The following UBE2D3 variants were observed in gnomAD, a reference collection of about 807,000 sequenced individuals.
UBE2D3 encodes ubiquitin-conjugating enzyme E2 D3.
Under a neutral mutation model 22.8 loss-of-function variants are expected in UBE2D3, and 2 were observed. That is an observed-to-expected ratio of 0.09 (90% CI 0.04 to 0.28). UBE2D3 has a LOEUF of 0.28. Ranked by LOEUF, UBE2D3 falls within the 10% of genes least tolerant of loss-of-function variation. UBE2D3 has a pLI of 1.00. For synonymous variants in UBE2D3, 56 were observed against 60.4 expected, an observed-to-expected ratio of 0.93 and a Z score of 0.34; for missense variants, 27 against 182.5, an observed-to-expected ratio of 0.15 and a Z score of 4.91.
chr4:102,845,560 CA>C (rs1472679668), intron 1 of UBE2D3, among the ~76,000 whole-genome samples: 1 of 152,132 alleles, frequency 6.6e-6, no homozygotes, highest in Non-Finnish European at 1.5e-5. Flanking sequence ...GAAGGAGTAC[CA>C]AGTCTGGGAG....
chr4:102,814,046 T>C (rs900691668), intron 2 of UBE2D3, among the ~76,000 whole-genome samples: 2 of 152,202 alleles, frequency 1.3e-5, no homozygotes, highest in Non-Finnish European at 2.9e-5. Flanking sequence ...ACCCTTTATA[T>C]GCTTGTCTGT....
At chr4:102,849,938 T>C (rs1411865781) in intron 1 of UBE2D3, among the ~76,000 whole-genome samples, 1 of 152,198 alleles carries the variant, frequency 6.6e-6, no homozygotes, top group Non-Finnish European at 1.5e-5. Flanking sequence ...ACTTTAATCC[T>C]AAGTATATAC....
chr4:102,827,243 A>G (rs1730703337), intron 1 of UBE2D3, 184 bp downstream of exon 1: 1 of 970,146 alleles, frequency 1.0e-6, no homozygotes, highest in South Asian at 4.7e-5. Context: ...AGGCGCGAGG[A>G]CGCGCCCATT....
rs555565505 is a variant in UBE2D3, at chr4:102,815,329, C to T, written c.25-5474G>A. ...TGCTGGGATTACAGGCGTGAGCCAC[C>T]GTGCCTGGCCAGAATAAATATTAAG... On this transcript the variant is annotated intron_variant, in intron 2 of 7. Transcript: ENST00000453744. Among the ~76,000 whole-genome samples the T allele has an allele frequency of 4.1e-4, 62 of 152,080 alleles. 2 individuals carry two copies. The highest frequency in any genetic ancestry group is 3.7e-3 in the Admixed American group (57 of 15,274).
chr4:102,798,649 T>A (rs1560839619), intron 7 of UBE2D3, among the ~76,000 whole-genome samples: 1 of 151,120 alleles, frequency 6.6e-6, no homozygotes, highest in Admixed American at 6.6e-5. Context: ...AGCTAAAATT[T>A]AAACACCATG....
At chr4:102,836,053 A>C (rs1276347955) in intron 1 of UBE2D3, among the ~76,000 whole-genome samples, 1 of 151,152 alleles carries the variant, frequency 6.6e-6, no homozygotes, top group Non-Finnish European at 1.5e-5. Context: ...TCAGTAGTTC[A>C]TTATCTTTTA....
chr4:102,800,373 AAGGT>A (rs1331424862), intron 6 of UBE2D3, among the ~76,000 whole-genome samples: 1 of 152,080 alleles, frequency 6.6e-6, no homozygotes, highest in Non-Finnish European at 1.5e-5. Context: ...TCACAGAAAA[AAGGT>A]AGCTTCAGTT....
rs143667724 is a variant in UBE2D3, at chr4:102,806,308, CCTTT to C, written c.120+3360_120+3363del. On this transcript the variant is annotated intron_variant, in intron 4 of 7. Transcript: ENST00000453744. ...TATTCTTCCTTATAATATAGCCCTT[CCTTT>C]GTCTTATCTGCTCCCTACCCTTCTT... Among the ~76,000 whole-genome samples the C allele has an allele frequency of 1.1e-3, 174 of 152,182 alleles. 5 individuals are homozygous for C. In the East Asian group the frequency reaches 0.028, roughly 24 times the overall value.
chr4:102,846,560 C>T (rs555853506), intron 1 of UBE2D3, among the ~76,000 whole-genome samples: 1 of 152,302 alleles, frequency 6.6e-6, no homozygotes, highest in Admixed American at 6.5e-5. Context: ...GGTTTTCTCT[C>T]TCCAGAGAAG....
intron 4 of UBE2D3, among the ~76,000 whole-genome samples, chr4:102,803,319 G>A (rs1318633505): frequency 2.0e-5 from 3 of 152,192 alleles, no homozygotes; most frequent in Admixed American, 2.0e-4. Flanking sequence ...AATGTGGAAT[G>A]CCTAACTGCT....
intron 4 of UBE2D3, 133 bp downstream of exon 4, chr4:102,809,539 C>A (rs893237331): frequency 1.2e-4 from 107 of 926,096 alleles, no homozygotes; most frequent in Non-Finnish European, 1.6e-4. Flanking sequence ...CTTTCAAATG[C>A]AGTACAACTA....
In UBE2D3 at chr4:102,801,464, T is replaced by G. The variant is rs755928273; in HGVS notation, c.294A>C (p.Thr98=). The G allele has an allele frequency of 7.5e-6, 12 of 1,606,596 alleles. No homozygotes were observed. Among genetic ancestry groups the G allele is most frequent in the Admixed American group, 6.7e-5 (4 of 59,778 alleles). Residue 98 remains threonine (T), a synonymous_variant, in exon 6 of 8, where the codon ACA becomes ACC. Transcript: ENST00000453744. ...ILRSQWSPAL[T]ISKVLLSICS... ...ACTAGAAATATTTACCTTTAGAAAT[T>G]GTTAAAGCAGGCGACCACTGTGATC...
In UBE2D3 at chr4:102,824,318, T is replaced by C. The variant is rs1236705235; in HGVS notation, c.24+2167A>G. On this transcript the variant is annotated intron_variant, in intron 2 of 7. Transcript: ENST00000453744. ...AAAAACGATTTTTAAAAATTATAAA[T>C]TGTGATATTAAAATAGCAGTAATAA... 3.3e-5 allele frequency among the ~76,000 whole-genome samples: 5 copies of C among 152,198 alleles called. No homozygotes were observed. In the South Asian group the frequency reaches 6.2e-4, roughly 19 times the overall value.
intron 1 of UBE2D3, among the ~76,000 whole-genome samples, chr4:102,835,440 TGGAGGATGAC>T (rs919622576): frequency 6.6e-6 from 1 of 152,202 alleles, no homozygotes; most frequent in African/African-American, 2.4e-5. Context: ...TCATGGATAC[TGGAGGATGAC>T]TATAATATGA....
intron 4 of UBE2D3, among the ~76,000 whole-genome samples, chr4:102,804,496 C>T (rs1726715080): frequency 6.6e-6 from 1 of 152,056 alleles, no homozygotes; most frequent in Non-Finnish European, 1.5e-5. Flanking sequence ...ACTAGAAAAA[C>T]ACTCAGGTCA....
At chr4:102,820,440 T>G (rs1454215303) in intron 2 of UBE2D3, among the ~76,000 whole-genome samples, 1 of 152,188 alleles carries the variant, frequency 6.6e-6, no homozygotes, top group East Asian at 1.9e-4. Context: ...ATCTTAAGGT[T>G]TAACAGTAGG....
chr4:102,825,552 G>A (rs1469389512), intron 2 of UBE2D3: 2 of 1,192,038 alleles, frequency 1.7e-6, no homozygotes, highest in Admixed American at 3.6e-5. Context: ...CGGGATAGAA[G>A]TTAGAGCAAG....
At chr4:102,799,256 GT>G (rs1447606489) in intron 7 of UBE2D3, 150 bp downstream of exon 7, 2 of 699,102 alleles carry the variant, frequency 2.9e-6, no homozygotes, top group South Asian at 2.1e-5. Context: ...GCCTAGTTAA[GT>G]TTTTTTAAAT....
chr4:102,868,797 T>G (rs1407182291), exon 1 of UBE2D3: 1 of 1,611,556 alleles, frequency 6.2e-7, no homozygotes, highest in East Asian at 2.2e-5. Flanking sequence ...GTCTCCAGCA[T>G]CTACAGACGT....
Sources: allele counts gnomAD v4.1 joint callset (sites outside exome capture counted in the v4.1 genomes callset), GRCh38; gene constraint gnomAD v4.1.1; transcripts MANE v1.5; gene names NCBI Gene and HGNC (gene_info 2026-07-23, HGNC 2026-07-21).